The following CCDC60 variants were observed in gnomAD, a reference collection of about 807,000 sequenced individuals.
CCDC60 encodes coiled-coil domain-containing protein 60.
In CCDC60, 54 loss-of-function variants were observed where a neutral mutation model predicts 63.5. That is an observed-to-expected ratio of 0.85 (90% confidence interval 0.68 to 1.07). CCDC60 has a LOEUF of 1.07. Ranked by LOEUF, CCDC60 falls within the 50% of genes least tolerant of loss-of-function variation. The pLI is 0.00. For missense variants in CCDC60, 651 were observed against 684.3 expected (o/e 0.95, Z 0.54); for synonymous variants, 206 against 238.8 (o/e 0.86, Z 1.27).
intron 5 of CCDC60, among the ~76,000 whole-genome samples, chr12:119,493,664 G>A (rs995045788): frequency 2.8e-4 from 43 of 152,230 alleles, no homozygotes; most frequent in African/African-American, 8.4e-4. Context: ...CAAGATGATC[G>A]GGTCCACAGT....
intron 1 of CCDC60, among the ~76,000 whole-genome samples, chr12:119,356,350 CCATTT>C (rs1295558552): frequency 2.6e-5 from 4 of 152,008 alleles, no homozygotes; most frequent in Non-Finnish European, 5.9e-5. Flanking sequence ...ACATAGTTAT[CCATTT>C]CATTTCATTT....
At chr12:119,423,340 A>G (rs1956846762) in intron 1 of CCDC60, among the ~76,000 whole-genome samples, 1 of 152,200 alleles carries the variant, frequency 6.6e-6, no homozygotes, top group Non-Finnish European at 1.5e-5. Context: ...TATAGTCCCA[A>G]AGTGGCCTGG....
intron 1 of CCDC60, among the ~76,000 whole-genome samples, chr12:119,377,139 C>T (rs990829853): frequency 6.6e-6 from 1 of 151,492 alleles, no homozygotes; most frequent in South Asian, 2.1e-4. Context: ...CCTGTAATCC[C>T]AGCTACTTGG....
chr12:119,463,880 G>T (rs1027288226), intron 2 of CCDC60, among the ~76,000 whole-genome samples: 1 of 152,162 alleles, frequency 6.6e-6, no homozygotes, highest in Non-Finnish European at 1.5e-5. Context: ...CTGGAGTAAA[G>T]GAGTCGAGAG....
intron 1 of CCDC60, among the ~76,000 whole-genome samples, chr12:119,392,677 C>T (rs574181617): frequency 6.6e-6 from 1 of 152,210 alleles, no homozygotes; most frequent in Non-Finnish European, 1.5e-5. Context: ...ATGAATGAAT[C>T]AATCAATCAG....
intron 1 of CCDC60, among the ~76,000 whole-genome samples, chr12:119,396,319 T>C (rs896321479): frequency 2.0e-5 from 3 of 152,176 alleles, no homozygotes; most frequent in African/African-American, 7.2e-5. Flanking sequence ...ACTAATTACA[T>C]CTGCAAAGGT....
At chr12:119,360,437 C>A (rs1455999632) in intron 1 of CCDC60, among the ~76,000 whole-genome samples, 1 of 150,666 alleles carries the variant, frequency 6.6e-6, no homozygotes, top group Non-Finnish European at 1.5e-5. Flanking sequence ...CGGGCGGAGA[C>A]GCTCCTCACT....
At chr12:119,438,786 G>A (rs540129573) in intron 2 of CCDC60, among the ~76,000 whole-genome samples, 1 of 152,300 alleles carries the variant, frequency 6.6e-6, no homozygotes, top group South Asian at 2.1e-4. Context: ...TGTCAGCTGG[G>A]TGACCTTGGG....
chr12:119,504,138 AT>A (rs1951929006), intron 6 of CCDC60, among the ~76,000 whole-genome samples: 1 of 152,178 alleles, frequency 6.6e-6, no homozygotes, highest in Non-Finnish European at 1.5e-5. Context: ...CTTTTGAAGT[AT>A]TTTGAAGCCA....
intron 13 of CCDC60, among the ~76,000 whole-genome samples, chr12:119,538,323 C>T (rs1316023623): frequency 3.9e-5 from 6 of 152,220 alleles, no homozygotes; most frequent in South Asian, 4.1e-4. Flanking sequence ...CAGTCTGTCC[C>T]GGCTTCCCTT....
intron 5 of CCDC60, among the ~76,000 whole-genome samples, chr12:119,490,771 G>A (rs1370433794): frequency 1.3e-5 from 2 of 151,964 alleles, no homozygotes; most frequent in East Asian, 1.9e-4. Context: ...TAGAGATGGT[G>A]TCTTGCTATG....
chr12:119,441,204 C>T (rs1008762542), intron 2 of CCDC60, among the ~76,000 whole-genome samples: 3 of 152,034 alleles, frequency 2.0e-5, no homozygotes, highest in African/African-American at 7.2e-5. Flanking sequence ...TGTTCATAAG[C>T]GGAAGCTGTG....
chr12:119,439,100 T>C (rs1203145068), intron 2 of CCDC60, among the ~76,000 whole-genome samples: 3 of 129,816 alleles, frequency 2.3e-5, no homozygotes, highest in East Asian at 2.2e-4. Flanking sequence ...AGATGCAGGA[T>C]GAGATCTTAC....
chr12:119,431,641 T>G (rs989389134), intron 2 of CCDC60, among the ~76,000 whole-genome samples: 1 of 152,016 alleles, frequency 6.6e-6, no homozygotes, highest in African/African-American at 2.4e-5. Flanking sequence ...GCTGTTATCG[T>G]CATTGTTTTT....
chr12:119,534,895 C>G (rs998287901), intron 13 of CCDC60, among the ~76,000 whole-genome samples: 1 of 152,158 alleles, frequency 6.6e-6, no homozygotes, highest in Non-Finnish European at 1.5e-5. Flanking sequence ...TGTTTTGTCT[C>G]TGTCAGGCTT....
At chr12:119,472,274 TCTC>T (rs1254410771) in intron 3 of CCDC60, 110 bp downstream of exon 3, 19 of 997,824 alleles carry the variant, frequency 1.9e-5, no homozygotes, top group Non-Finnish European at 2.6e-5. Context: ...ACGTGCCCCT[TCTC>T]AGCCTGGCAT....
intron 1 of CCDC60, among the ~76,000 whole-genome samples, chr12:119,337,736 A>G (rs963579498): frequency 1.3e-5 from 2 of 152,024 alleles, no homozygotes; most frequent in African/African-American, 4.8e-5. Flanking sequence ...CAGGTTGATT[A>G]ATGATGTGTT....
chr12:119,394,109 A>T (rs924711435), intron 1 of CCDC60, among the ~76,000 whole-genome samples: 1 of 152,202 alleles, frequency 6.6e-6, no homozygotes, highest in Non-Finnish European at 1.5e-5. Flanking sequence ...AGCTTGCTAC[A>T]TGCCAGGCAT....
At chr12:119,368,179 G>A (rs936465646) in intron 1 of CCDC60, among the ~76,000 whole-genome samples, 3 of 126,394 alleles carry the variant, frequency 2.4e-5, no homozygotes, top group Non-Finnish European at 3.3e-5. Flanking sequence ...AAGGGGAGGA[G>A]GAGAAAAAGG....
Sources: allele counts gnomAD v4.1 joint callset (sites outside exome capture counted in the v4.1 genomes callset), GRCh38; gene constraint gnomAD v4.1.1; transcripts MANE v1.5; gene names NCBI Gene and HGNC (gene_info 2026-07-23, HGNC 2026-07-21).